Variants in DMTF1 observed in about 807,000 individuals in gnomAD.
DMTF1 encodes the protein cyclin-D-binding Myb-like transcription factor 1.
DMTF1 carries 39 observed loss-of-function variants against 91.1 expected under a neutral mutation model. The ratio of observed to expected loss-of-function variants is 0.43; its 90% CI spans 0.33 to 0.56. The LOEUF (loss-of-function observed/expected upper bound fraction) is 0.56, where lower values mean the gene tolerates loss of function less well. Among genes scored for constraint, DMTF1 ranks in the 20% least tolerant of loss-of-function variants. The probability of loss-of-function intolerance (pLI) is 0.05; values close to 1 mark genes in which losing one functional copy is unlikely to be tolerated. For synonymous variants in DMTF1, 338 were observed against 309.5 expected (o/e 1.09, Z -0.97); for missense variants, 750 against 914.5 (o/e 0.82, Z 2.32).
chr7:87,190,224 G>A lies in DMTF1; in HGVS notation c.1412-721G>A, dbSNP rs140084098. Among the ~76,000 whole-genome samples, 270 of 151,888 alleles carry A rather than the reference G, an allele frequency of 1.8e-3. 3 individuals are homozygous for A. Among genetic ancestry groups the A allele is most frequent in the Admixed American group, 0.014 (212 of 15,230 alleles). On this transcript the variant is annotated intron_variant, in intron 13 of 17. Transcript: ENST00000331242. The stretch of plus-strand genomic sequence containing the variant: ...TATTCAGTCCCCAAATGTGGTCTTC[G>A]GAAATAATGCTCTCTTAACATTTAT...
chr7:87,189,391 A>G (rs767023532), intron 13 of DMTF1, among the ~76,000 whole-genome samples: 41 of 152,152 alleles, frequency 2.7e-4, no homozygotes, highest in Non-Finnish European at 5.3e-4. Context: ...TTTTTGTTAC[A>G]GTCTGAGGAT....
In DMTF1 at chr7:87,190,927, A is replaced by C; in HGVS notation, c.1412-18A>C. On this transcript the variant is annotated intron_variant, in intron 13 of 17. Transcript: ENST00000331242. ...TTGTAAATTATTCTTACCACAGCTTACCTTATTCTTACCACAGCTTCAGCA... is the reference window on the plus strand; with the variant it reads ...TTGTAAATTATTCTTACCACAGCTTCCCTTATTCTTACCACAGCTTCAGCA... 3.1e-6 allele frequency: 5 copies of C among 1,598,198 alleles called. No homozygotes were observed. The South Asian group carries it at 4.5e-5, about 14-fold the overall frequency.
intron 5 of DMTF1, 145 bp from the exon 6 acceptor site, chr7:87,173,390 T>C (rs1481448511): frequency 1.2e-5 from 5 of 414,412 alleles, no homozygotes; most frequent in Non-Finnish European, 2.1e-5. Flanking sequence ...ATTTTTACTA[T>C]ATCTAAAACA....
chr7:87,178,730 A>T (rs1796749756), intron 7 of DMTF1, among the ~76,000 whole-genome samples: 1 of 151,732 alleles, frequency 6.6e-6, no homozygotes, highest in Non-Finnish European at 1.5e-5. Flanking sequence ...TTTCACTATT[A>T]AGGTTATGCT....
chr7:87,173,465 G>A, intron 5 of DMTF1, 70 bp from the exon 6 acceptor site: 1 of 882,738 alleles, frequency 1.1e-6, no homozygotes, highest in Non-Finnish European at 1.8e-6. Flanking sequence ...GAATCCGGTT[G>A]AGCATTAAAT....
intron 16 of DMTF1, 179 bp downstream of exon 16, chr7:87,194,281 T>C (rs1224772140): frequency 4.7e-6 from 3 of 636,634 alleles, no homozygotes; most frequent in African/African-American, 3.7e-5. Flanking sequence ...TCAGGAAGAA[T>C]AAGAAAACCA....
intron 3 of DMTF1, 133 bp from the exon 4 acceptor site, chr7:87,166,350 A>C (rs1027548936): frequency 3.7e-6 from 3 of 821,760 alleles, no homozygotes; most frequent in Non-Finnish European, 5.6e-6. Context: ...CTGTTTGCAC[A>C]ACTAGGTTTA....
intron 2 of DMTF1, among the ~76,000 whole-genome samples, chr7:87,164,656 T>C (rs754351228): frequency 4.6e-5 from 7 of 152,260 alleles, no homozygotes; most frequent in Non-Finnish European, 8.8e-5. Flanking sequence ...TCTCTTTTGT[T>C]GGATGTTGCA....
intron 12 of DMTF1, chr7:87,186,340 A>G: frequency 5.5e-6 from 1 of 183,436 alleles, no homozygotes; most frequent in Non-Finnish European, 1.1e-5. Flanking sequence ...CTGTAACCTT[A>G]AACCTGTCGG....
chr7:87,188,045 G>A, intron 12 of DMTF1, 47 bp from the exon 13 acceptor site: 3 of 1,516,172 alleles, frequency 2.0e-6, no homozygotes, highest in Non-Finnish European at 1.8e-6. Flanking sequence ...TTAGATGGTG[G>A]TCTGTCGGAG....
chr7:87,155,237 A>G (rs1052546517), intron 1 of DMTF1, among the ~76,000 whole-genome samples: 1 of 152,226 alleles, frequency 6.6e-6, no homozygotes, highest in Non-Finnish European at 1.5e-5. Context: ...CAAAGACATC[A>G]AAAGCTTAGA....
chr7:87,194,670 TTAA>T lies in DMTF1; in HGVS notation c.2029-12_2029-10del. 6.3e-7 allele frequency: 1 copy of T among 1,584,020 alleles called. No homozygotes were observed. Among genetic ancestry groups the T allele is most frequent in the Non-Finnish European group, 8.6e-7 (1 of 1,157,492 alleles). On this transcript the variant is annotated splice_polypyrimidine_tract_variant and intron_variant, in intron 16 of 17. Coordinates refer to ENST00000331242, the MANE Select transcript of DMTF1 (RefSeq NM_001142327.2). Reference sequence around the variant, plus strand: ...AAGAATATGAGTCAATATTTTTTTTTTAATGTTATTTAGGGTTTAGAGTCTCCC... The same window carrying T: ...AAGAATATGAGTCAATATTTTTTTTTTGTTATTTAGGGTTTAGAGTCTCCC...
intron 15 of DMTF1, 25 bp from the exon 16 acceptor site, chr7:87,193,700 T>TA (rs756177843): frequency 1.2e-5 from 19 of 1,559,448 alleles, no homozygotes; most frequent in Admixed American, 3.8e-5. Flanking sequence ...TTTACAACTT[T>TA]AACAGGTTCT....
At chr7:87,194,408 G>T in intron 16 of DMTF1, 2 of 437,530 alleles carry the variant, frequency 4.6e-6, no homozygotes, top group South Asian at 3.8e-5. Flanking sequence ...AATCTTTGTG[G>T]TTCAGCCTAG....
At chr7:87,162,902 T>G (rs554166119) in intron 1 of DMTF1, 1 of 152,008 alleles carries the variant, frequency 6.6e-6, no homozygotes, top group Non-Finnish European at 1.5e-5. Flanking sequence ...CATTTCATAT[T>G]TCATAAAGTT....
intron 4 of DMTF1, among the ~76,000 whole-genome samples, chr7:87,170,594 C>T (rs1428869948): frequency 2.6e-5 from 4 of 152,168 alleles, no homozygotes; most frequent in Non-Finnish European, 5.9e-5. Context: ...TCACTTGTTC[C>T]AAGTCTTGGT....
chr7:87,168,377 T>A (rs1794297460), intron 4 of DMTF1, among the ~76,000 whole-genome samples: 1 of 152,198 alleles, frequency 6.6e-6, no homozygotes, highest in South Asian at 2.1e-4. Flanking sequence ...CTCTTACCTA[T>A]TACTAGAGTC....
intron 1 of DMTF1, among the ~76,000 whole-genome samples, chr7:87,154,872 G>A (rs186120476): frequency 1.4e-4 from 21 of 152,186 alleles, no homozygotes; most frequent in Non-Finnish European, 2.8e-4. Context: ...TCACTGGTTA[G>A]TATTTAAATA....
chr7:87,185,760 G>A, intron 11 of DMTF1, 69 bp from the exon 12 acceptor site: 1 of 1,548,790 alleles, frequency 6.5e-7, no homozygotes, highest in South Asian at 1.1e-5. Context: ...GCAATTACCT[G>A]TAGTCAGAGG....
Sources: allele counts gnomAD v4.1 joint callset (sites outside exome capture counted in the v4.1 genomes callset), GRCh38; gene constraint gnomAD v4.1.1; transcripts MANE v1.5; gene names NCBI Gene and HGNC (gene_info 2026-07-23, HGNC 2026-07-21).